The following ITSN2 variants were observed in gnomAD, a reference collection of about 807,000 sequenced individuals.
ITSN2 encodes the protein intersectin 2.
A neutral mutation model predicts 243.7 loss-of-function variants in ITSN2; 156 were observed. The observed-to-expected ratio is 0.64, with a 90% CI of 0.56 to 0.73. The LOEUF is 0.73. Among genes scored for constraint, ITSN2 ranks in the 30% least tolerant of loss-of-function variants. The pLI, the probability that ITSN2 is intolerant of heterozygous loss-of-function variation, is 0.00. For synonymous variants in ITSN2, 703 were observed against 699.9 expected, an observed-to-expected ratio of 1.00 and a Z score of -0.07; for missense variants, 1,801 against 1,996.1, an observed-to-expected ratio of 0.90 and a Z score of 1.86.
intron 29 of ITSN2, among the ~76,000 whole-genome samples, chr2:24,229,650 G>C (rs191565614): frequency 9.3e-4 from 141 of 152,238 alleles, no homozygotes; most frequent in Admixed American, 3.5e-3. Context: ...CAATATTACT[G>C]TAGAAAAATG....
Position 24,207,556 on chromosome 2 carries a change from G to C in ITSN2, c.4678+681C>G, listed in dbSNP as rs890848510. The stretch of plus-strand genomic sequence containing the variant: ...GTCGGTGGGGTCCCCGAGGGAGAGC[G>C]CTACAGAGGTCGGGGAGAGGCCTGG... On this transcript the variant is annotated intron_variant, in intron 37 of 39. Coordinates refer to ENST00000355123, the MANE Select transcript of ITSN2 (RefSeq NM_006277.3). 2.0e-5 allele frequency among the ~76,000 whole-genome samples: 3 copies of C among 152,068 alleles called. No homozygotes were observed. In the South Asian group the frequency reaches 6.2e-4, roughly 32 times the overall value.
chr2:24,285,053 C>T (rs1362721918), intron 16 of ITSN2, among the ~76,000 whole-genome samples: 1 of 151,912 alleles, frequency 6.6e-6, no homozygotes, highest in Non-Finnish European at 1.5e-5. Context: ...CATGCCACTA[C>T]GCCCAGCTAA....
rs1325022407 is a variant in ITSN2, at chr2:24,252,194, T to C, written c.3120+151A>G. The C allele has an allele frequency of 6.5e-6, 4 of 615,284 alleles. No individual in the cohort carries two copies. In the East Asian group the frequency reaches 1.2e-4, roughly 18 times the overall value. The allele number at this position is 615,284 out of a possible 1,614,324, so 38.1% of individuals were successfully genotyped here. A position where few individuals can be genotyped will look rare whatever the true frequency, so the allele number is the denominator to read the frequency against. The stretch of plus-strand genomic sequence containing the variant: ...ACCGGAGCTACTGTGAACAGTTTCT[T>C]TGTAACCAAAGCAACCTGATCAAAA... On this transcript the variant is annotated intron_variant, in intron 25 of 39. Coordinates refer to ENST00000355123, the MANE Select transcript of ITSN2 (RefSeq NM_006277.3).
chr2:24,211,484 A>G lies in ITSN2; in HGVS notation c.4090-537T>C, dbSNP rs1444154855. Among the ~76,000 whole-genome samples, 2 of 152,246 alleles carry G rather than the reference A, an allele frequency of 1.3e-5. No individual in the cohort carries two copies. The highest frequency in any genetic ancestry group is 4.8e-5 in the African/African-American group (2 of 41,464). ...TCTGTTCATTCTGAAGCGATTTCAA[A>G]CGACGCATGCTGCAACTGTGAACGC... On this transcript the variant is annotated intron_variant, in intron 33 of 39. Transcript: ENST00000355123. This position sits in a 1 kb window ranked among gnomAD's most constrained non-coding sequence, Gnocchi z 4.1.
rs751750609 is a variant in ITSN2 at position 24,271,778 on chromosome 2, C to T, written c.2245G>A (p.Glu749Lys). The T allele has an allele frequency of 1.3e-6, 2 of 1,581,354 alleles. No homozygotes were observed. The highest frequency in any genetic ancestry group is 1.2e-5 in the South Asian group (1 of 82,838). Residue 749 changes from glutamate (E) to lysine (K), a missense_variant, in exon 19 of 40, where the codon GAG becomes AAG. Glu to Lys is a moderately conservative substitution (Grantham distance 56). This residue lies in a region of ITSN2 where 787 missense variants were observed against 803.9 expected (regional missense o/e 0.98). Coordinates refer to ENST00000355123, the MANE Select transcript of ITSN2 (RefSeq NM_006277.3). ...TCCTTATCCTTACGTTTTTTCTCCT[C>T]AGCTTTCAAAGTATCCTTATCCTTA... ...QRKDKDTLKA[E>K]EKKRETASVL... is the part of the protein sequence containing the mutation.
rs751676461 is a variant in ITSN2, at chr2:24,246,117, AAT to A, written c.3577+10_3577+11del. On this transcript the variant is annotated intron_variant, in intron 29 of 39. Coordinates refer to ENST00000355123, the MANE Select transcript of ITSN2 (RefSeq NM_006277.3). ...ACACTAGGTGAGAGAAAAATAATTT[AAT>A]ATTACTCACACTGTTGACTTGGATC... 6.3e-7 allele frequency: 1 copy of A among 1,581,534 alleles called. No individual in the cohort carries two copies.
At chr2:24,298,926 G>C (rs1445781790) in intron 12 of ITSN2, 112 bp from the exon 13 acceptor site, 2 of 861,180 alleles carry the variant, frequency 2.3e-6, no homozygotes, top group African/African-American at 3.5e-5. Context: ...AGTGGCTTTA[G>C]TGCCTAAGGG....
At chr2:24,315,020 T>C (rs182932779) in intron 3 of ITSN2, 112 bp downstream of exon 3, 1 of 469,462 alleles carries the variant, frequency 2.1e-6, no homozygotes, top group East Asian at 3.2e-5. Context: ...TTCTGATTGA[T>C]ATGAATTTTA....
intron 1 of ITSN2, among the ~76,000 whole-genome samples, chr2:24,352,379 CTAATT>C (rs1280735552): frequency 2.6e-5 from 4 of 152,072 alleles, no homozygotes; most frequent in African/African-American, 4.8e-5. Flanking sequence ...AATCACTAAT[CTAATT>C]TGTTTTACTG....
At chr2:24,208,129 T>G in intron 37 of ITSN2, 108 bp downstream of exon 37, 1 of 942,718 alleles carries the variant, frequency 1.1e-6, no homozygotes. Flanking sequence ...CCGCAGCAGG[T>G]CTGGTCTTTC....
At chr2:24,209,609 G>C (rs565571018) in intron 35 of ITSN2, among the ~76,000 whole-genome samples, 1 of 152,232 alleles carries the variant, frequency 6.6e-6, no homozygotes. Context: ...CAGAATCTCA[G>C]CTGGAATCTG....
At chr2:24,325,338 A>C (rs1360265199) in intron 2 of ITSN2, among the ~76,000 whole-genome samples, 1 of 152,084 alleles carries the variant, frequency 6.6e-6, no homozygotes, top group Non-Finnish European at 1.5e-5. Flanking sequence ...TGAATCTAGC[A>C]AGTCGAGGCT....
chr2:24,292,810 G>A (rs1316291064), intron 15 of ITSN2, among the ~76,000 whole-genome samples: 1 of 152,164 alleles, frequency 6.6e-6, no homozygotes, highest in Non-Finnish European at 1.5e-5. Context: ...TCAATAATGA[G>A]GCAGTGATTT....
Position 24,253,072 on chromosome 2 carries a change from T to C in ITSN2, c.2954-561A>G, listed in dbSNP as rs369513829. 3.7e-4 allele frequency among the ~76,000 whole-genome samples: 56 copies of C among 152,324 alleles called. 1 individual carries two copies. The South Asian group carries it at 7.0e-3, about 19-fold the overall frequency. ...GGAGTAGACGCTCGATAAATAGTTG[T>C]TAACAAATGACCTCAAGGGAAATAT... On this transcript the variant is annotated intron_variant, in intron 24 of 39. Transcript: ENST00000355123.
intron 7 of ITSN2, 54 bp from the exon 8 acceptor site, chr2:24,308,810 T>G: frequency 1.0e-6 from 1 of 988,586 alleles, no homozygotes; most frequent in South Asian, 2.9e-5. Context: ...TATATTTAAT[T>G]AAATTTTATA....
chr2:24,252,620 T>C (rs1014482726), intron 24 of ITSN2, 109 bp from the exon 25 acceptor site: 2 of 625,808 alleles, frequency 3.2e-6, no homozygotes, highest in African/African-American at 1.9e-5. Context: ...GTAAAAGACC[T>C]TGTGCCTTCA....
chr2:24,307,223 A>C (rs1682666023), intron 8 of ITSN2, among the ~76,000 whole-genome samples: 1 of 152,204 alleles, frequency 6.6e-6, no homozygotes. Context: ...ACAGAATCTA[A>C]AATTCCACTG....
intron 7 of ITSN2, among the ~76,000 whole-genome samples, chr2:24,309,108 T>C (rs1682922528): frequency 6.6e-6 from 1 of 152,110 alleles, no homozygotes; most frequent in Non-Finnish European, 1.5e-5. Context: ...GCTTCAAGTC[T>C]GTGAAAAAAC....
intron 8 of ITSN2, among the ~76,000 whole-genome samples, chr2:24,308,126 C>T (rs184699195): frequency 6.6e-6 from 1 of 152,284 alleles, no homozygotes; most frequent in East Asian, 1.9e-4. Context: ...GATGTTCTGG[C>T]CTGGACTCAA....
Sources: allele counts gnomAD v4.1 joint callset (sites outside exome capture counted in the v4.1 genomes callset), GRCh38; gene constraint gnomAD v4.1.1; regional missense constraint gnomAD v4.1.1; non-coding constraint Gnocchi (gnomAD v3.1); transcripts MANE v1.5; gene names NCBI Gene and HGNC (gene_info 2026-07-23, HGNC 2026-07-21).